FBXO34: variants seen among roughly 807,000 people sequenced by gnomAD.
FBXO34 encodes the protein F-box only protein 34.
In FBXO34, 12 loss-of-function variants were observed where a neutral mutation model predicts 24.5. That is an observed-to-expected ratio of 0.49 (90% CI 0.31 to 0.79). The LOEUF (loss-of-function observed/expected upper bound fraction) is 0.79. Among genes scored for constraint, FBXO34 ranks in the 30% least tolerant of loss-of-function variants. FBXO34 has a pLI of 0.04. For missense variants in FBXO34, 823 were observed against 857.7 expected (o/e 0.96, Z 0.51); for synonymous variants, 320 against 311.9 (o/e 1.03, Z -0.27).
At chr14:55,380,871 ATATATTT>A in the FBXO34 span, among the ~76,000 whole-genome samples, 4 of 90,032 alleles carry the variant, frequency 4.4e-5, no homozygotes, top group Admixed American at 2.8e-4. Context: ...ATATATATAT[ATATATTT>A]TTTTTTTTTT....
At chr14:55,297,105 G>A (rs1257395379) in intron 1 of FBXO34, among the ~76,000 whole-genome samples, 2 of 152,168 alleles carry the variant, frequency 1.3e-5, no homozygotes, top group East Asian at 3.8e-4. Context: ...CACGTGGCTG[G>A]CAGAGAAGGG....
chr14:55,370,231 T>C (rs1884783223), downstream of FBXO34, among the ~76,000 whole-genome samples: 1 of 152,234 alleles, frequency 6.6e-6, no homozygotes, highest in Non-Finnish European at 1.5e-5. Flanking sequence ...GTCCTAAGTC[T>C]GACTTCCTGT....
At chr14:55,394,451 T>G in the FBXO34 span, among the ~76,000 whole-genome samples, 1 of 152,204 alleles carries the variant, frequency 6.6e-6, no homozygotes, top group African/African-American at 2.4e-5. Flanking sequence ...CCAGTGACTT[T>G]CCAGCTTAAA....
chr14:55,415,460 CCA>C, the FBXO34 span, among the ~76,000 whole-genome samples: 1 of 152,128 alleles, frequency 6.6e-6, no homozygotes, highest in Non-Finnish European at 1.5e-5. Context: ...TAAATACACC[CCA>C]AATTGAAAAC....
chr14:55,311,680 T>G (rs1882747021), intron 1 of FBXO34, among the ~76,000 whole-genome samples: 1 of 152,148 alleles, frequency 6.6e-6, no homozygotes, highest in South Asian at 2.1e-4. Context: ...GCAGGTCCCA[T>G]GTAAGTCCAA....
intron 1 of FBXO34, among the ~76,000 whole-genome samples, chr14:55,348,681 G>T (rs940977723): frequency 6.6e-6 from 1 of 152,174 alleles, no homozygotes; most frequent in Non-Finnish European, 1.5e-5. Context: ...TATTTCAGGG[G>T]TAACTTTTAA....
At chr14:55,379,815 C>T in the FBXO34 span, among the ~76,000 whole-genome samples, 1,693 of 152,256 alleles carry the variant, frequency 0.011, 39 homozygotes, top group African/African-American at 0.039. Flanking sequence ...CTCCAGCTCC[C>T]GGATTCAAGC....
chr14:55,386,046 G>T, the FBXO34 span: 1 of 1,613,730 alleles, frequency 6.2e-7, no homozygotes, highest in Non-Finnish European at 8.5e-7. Flanking sequence ...CGTTGTGCTC[G>T]ACTGTAAAGC....
rs116738249 is a variant in FBXO34, at chr14:55,350,190, A to G, written c.-10-191A>G. 4.6e-3 allele frequency among the ~76,000 whole-genome samples: 695 copies of G among 152,050 alleles called. 6 individuals are homozygous for G. The highest frequency in any genetic ancestry group is 0.016 in the African/African-American group (664 of 41,502). On this transcript the variant is annotated intron_variant, in intron 1 of 1. Coordinates refer to ENST00000313833, the MANE Select transcript of FBXO34 (RefSeq NM_017943.4). Reference sequence around the variant, plus strand: ...AAAAAAAAAAAGTACTACACACCATATAAACTGGTAGCTGTTTGTTATTCT... The same window carrying G: ...AAAAAAAAAAAGTACTACACACCATGTAAACTGGTAGCTGTTTGTTATTCT...
the FBXO34 span, among the ~76,000 whole-genome samples, chr14:55,396,339 A>G: frequency 2.0e-5 from 3 of 152,260 alleles, no homozygotes; most frequent in Non-Finnish European, 4.4e-5. Flanking sequence ...GATACATGCC[A>G]GCATCTCCAC....
intron 1 of FBXO34, among the ~76,000 whole-genome samples, chr14:55,336,859 T>C (rs1883794895): frequency 6.7e-6 from 1 of 148,298 alleles, no homozygotes; most frequent in Non-Finnish European, 1.5e-5. Context: ...ATAGAATATA[T>C]ACATGCACGC....
intron 1 of FBXO34, among the ~76,000 whole-genome samples, chr14:55,328,184 C>T (rs1883414977): frequency 6.6e-6 from 1 of 151,990 alleles, no homozygotes; most frequent in African/African-American, 2.4e-5. Context: ...GTCTCGAACT[C>T]CTGACCTCAA....
intron 1 of FBXO34, among the ~76,000 whole-genome samples, chr14:55,322,955 C>G (rs1284639245): frequency 9.1e-5 from 13 of 142,092 alleles, no homozygotes; most frequent in Admixed American, 5.1e-4. Context: ...GGGCGGATCA[C>G]GAGGTCAGGA....
At chr14:55,317,148 T>C (rs1882959377) in intron 1 of FBXO34, among the ~76,000 whole-genome samples, 1 of 152,120 alleles carries the variant, frequency 6.6e-6, no homozygotes, top group Non-Finnish European at 1.5e-5. Context: ...TGTCAGCCTT[T>C]TGGGAAGGGG....
chr14:55,438,046 A>G, the FBXO34 span, among the ~76,000 whole-genome samples: 1 of 152,192 alleles, frequency 6.6e-6, no homozygotes, highest in Non-Finnish European at 1.5e-5. Context: ...TTATGGGAAA[A>G]AATCGATTAG....
rs1045004 is a variant in FBXO34, at chr14:55,353,073, G to A, written c.*547G>A. 33,606 of 170,612 alleles carry A rather than the reference G, an allele frequency of 0.2. 3,456 individuals carry two copies. Among genetic ancestry groups the A allele is most frequent in the East Asian group, 0.24 (1,261 of 5,220 alleles). The allele number at this position is 170,612 out of a possible 1,614,324, so 10.6% of individuals were successfully genotyped here. On this transcript the variant is annotated 3_prime_UTR_variant, in exon 2 of 2. Transcript: ENST00000313833. ...TGGCTGGAGGTGGATTTCATGCCCT[G>A]TGGTGTTTACAGTGTATATAATGGT... is the stretch of plus-strand genomic sequence containing the variant.
At chr14:55,383,242 G>GA in the FBXO34 span, among the ~76,000 whole-genome samples, 8,673 of 151,726 alleles carry the variant, frequency 0.057, 304 homozygotes, top group South Asian at 0.088. Flanking sequence ...ATATTCGGGG[G>GA]AAAAAAAGAA....
the FBXO34 span, chr14:55,413,983 G>A: frequency 8.9e-5 from 46 of 518,922 alleles, no homozygotes; most frequent in African/African-American, 8.9e-4. Context: ...TGTGGCCAAA[G>A]GAACAACTCC....
the FBXO34 span, among the ~76,000 whole-genome samples, chr14:55,420,424 A>G: frequency 6.6e-6 from 1 of 152,358 alleles, no homozygotes; most frequent in South Asian, 2.1e-4. Flanking sequence ...ATTTGTCTCT[A>G]AGGCTGAGGC....
Sources: allele counts gnomAD v4.1 joint callset (sites outside exome capture counted in the v4.1 genomes callset), GRCh38; gene constraint gnomAD v4.1.1; transcripts MANE v1.5; gene names NCBI Gene and HGNC (gene_info 2026-07-23, HGNC 2026-07-21).